Variants in YTHDF3 observed in about 807,000 individuals in gnomAD.
The protein encoded by YTHDF3 is YTH N6-methyladenosine RNA binding protein F3, also known as YTH domain-containing family protein 3.
In YTHDF3, 9 loss-of-function variants were observed where a neutral mutation model predicts 52.5. The observed-to-expected ratio is 0.17, with a 90% CI of 0.10 to 0.30. The LOEUF is 0.30. YTHDF3 is among the 10% of genes least tolerant of loss of function. YTHDF3 has a pLI of 1.00. For synonymous variants in YTHDF3, 274 were observed against 243.3 expected (o/e 1.13, Z -1.18); for missense variants, 534 against 715.0 (o/e 0.75, Z 2.89).
intron 4 of YTHDF3, among the ~76,000 whole-genome samples, chr8:63,199,226 C>T (rs1489612552): frequency 6.6e-6 from 1 of 152,120 alleles, no homozygotes; most frequent in Non-Finnish European, 1.5e-5. Flanking sequence ...GATACTTCTT[C>T]CATACTATAA....
intron 3 of YTHDF3, among the ~76,000 whole-genome samples, chr8:63,185,405 A>T (rs1398743741): frequency 1.3e-5 from 2 of 151,886 alleles, no homozygotes; most frequent in Admixed American, 6.6e-5. Flanking sequence ...TTACTAAATT[A>T]AAAAAAACCC....
At chr8:63,182,846 TG>T (rs1317574030) in intron 3 of YTHDF3, among the ~76,000 whole-genome samples, 5 of 152,308 alleles carry the variant, frequency 3.3e-5, no homozygotes, top group African/African-American at 1.2e-4. Context: ...CTTATATCAA[TG>T]TTTTTTTACA....
chr8:63,206,107 CTT>C (rs1323441827), intron 4 of YTHDF3, among the ~76,000 whole-genome samples: 4 of 151,914 alleles, frequency 2.6e-5, no homozygotes, highest in African/African-American at 9.7e-5. Flanking sequence ...GAGTTTCGCT[CTT>C]GTTGTCCAGG....
chr8:63,208,040 T>G (rs1408473197), intron 4 of YTHDF3, among the ~76,000 whole-genome samples: 1 of 152,186 alleles, frequency 6.6e-6, no homozygotes, highest in Non-Finnish European at 1.5e-5. Context: ...TTTCTTCTTT[T>G]GCTGATATGG....
At chr8:63,169,019 C>T (rs1203771236) in intron 1 of YTHDF3, 118 bp downstream of exon 1, 6 of 1,469,140 alleles carry the variant, frequency 4.1e-6, no homozygotes, top group Non-Finnish European at 4.5e-6. Context: ...GTGCCCCGGG[C>T]GCAAGTTGCT....
chr8:63,177,174 C>T (rs754584760), intron 3 of YTHDF3, among the ~76,000 whole-genome samples: 5 of 152,150 alleles, frequency 3.3e-5, no homozygotes, highest in Non-Finnish European at 2.9e-5. Flanking sequence ...TACTACAGAA[C>T]TGAACAGTTT....
intron 1 of YTHDF3, 98 bp from the exon 2 acceptor site, chr8:63,169,289 G>A (rs1203067224): frequency 5.4e-6 from 8 of 1,479,718 alleles, no homozygotes; most frequent in Non-Finnish European, 7.4e-6. Flanking sequence ...TACGCGGATA[G>A]TCTAAAATAA....
intron 4 of YTHDF3, among the ~76,000 whole-genome samples, chr8:63,208,572 T>G (rs1302219161): frequency 6.6e-6 from 1 of 152,194 alleles, no homozygotes; most frequent in Admixed American, 6.5e-5. Context: ...GGCCCAGACA[T>G]GCCATCCAGG....
intron 1 of YTHDF3, 195 bp from the exon 2 acceptor site, chr8:63,169,192 C>A: frequency 2.2e-6 from 3 of 1,365,494 alleles, no homozygotes; most frequent in Non-Finnish European, 2.9e-6. Context: ...CTCTGGGAGA[C>A]GGATTCCGAG....
chr8:63,205,262 G>T (rs977791508), intron 4 of YTHDF3, among the ~76,000 whole-genome samples: 27 of 152,068 alleles, frequency 1.8e-4, no homozygotes, highest in African/African-American at 5.8e-4. Flanking sequence ...CCTTCTCCGG[G>T]TGTATGGGAT....
intron 4 of YTHDF3, among the ~76,000 whole-genome samples, chr8:63,198,456 G>A (rs1020312655): frequency 2.0e-5 from 3 of 152,084 alleles, no homozygotes; most frequent in African/African-American, 4.8e-5. Flanking sequence ...TAGTAGAGAT[G>A]GGGTTTCACC....
intron 2 of YTHDF3, among the ~76,000 whole-genome samples, chr8:63,171,903 T>A (rs1222036299): frequency 6.6e-6 from 1 of 152,208 alleles, no homozygotes; most frequent in African/African-American, 2.4e-5. Context: ...GTTGACAGCT[T>A]TAGCCTAACA....
At chr8:63,203,994 T>C (rs1162982177) in intron 4 of YTHDF3, among the ~76,000 whole-genome samples, 2 of 152,196 alleles carry the variant, frequency 1.3e-5, no homozygotes, top group African/African-American at 4.8e-5. Context: ...TGTTCTGTTA[T>C]TCCCTTTGTG....
chr8:63,209,783 G>A lies in YTHDF3; in HGVS notation c.*77G>A, dbSNP rs188808956. 29 of 1,382,008 alleles carry A rather than the reference G, an allele frequency of 2.1e-5. No homozygotes were observed. In the East Asian group the frequency reaches 2.7e-4, roughly 13 times the overall value. 85.6% of individuals were successfully genotyped at this position (1,382,008 alleles called of 1,614,324 possible). ...AAATGCCTAATAAGTCAAAGAAGACGTATTAAAGCTCTTTTCTGCTTAAGG... is the reference window on the plus strand; with the variant it reads ...AAATGCCTAATAAGTCAAAGAAGACATATTAAAGCTCTTTTCTGCTTAAGG... On this transcript the variant is annotated 3_prime_UTR_variant, in exon 5 of 5. Coordinates refer to ENST00000539294, the MANE Select transcript of YTHDF3 (RefSeq NM_152758.6).
chr8:63,175,325 T>G lies in YTHDF3; in HGVS notation c.50-6T>G, dbSNP rs1253833050. Reference sequence around the variant, plus strand: ...TACAACACTTCTAATACAAACATTTTTTTAGTTTCAGTACAAAACGGTTCG... The same window carrying G: ...TACAACACTTCTAATACAAACATTTGTTTAGTTTCAGTACAAAACGGTTCG... On this transcript the variant is annotated splice_region_variant and splice_polypyrimidine_tract_variant and intron_variant, in intron 2 of 4. Transcript: ENST00000539294. 28 of 1,600,128 alleles carry G rather than the reference T, an allele frequency of 1.7e-5. No homozygotes were observed. Among genetic ancestry groups the G allele is most frequent in the Non-Finnish European group, 2.3e-5 (27 of 1,171,434 alleles).
intron 2 of YTHDF3, among the ~76,000 whole-genome samples, chr8:63,174,351 T>A (rs2129981575): frequency 6.6e-6 from 1 of 152,344 alleles, no homozygotes; most frequent in Non-Finnish European, 1.5e-5. Context: ...GTCATATTAG[T>A]CCTATTTGGA....
chr8:63,183,262 A>G (rs534662517), intron 3 of YTHDF3, among the ~76,000 whole-genome samples: 20 of 152,110 alleles, frequency 1.3e-4, no homozygotes, highest in Admixed American at 5.9e-4. Context: ...TGTCCAGCCC[A>G]GTTTTATCTT....
intron 4 of YTHDF3, among the ~76,000 whole-genome samples, chr8:63,191,238 A>G (rs1808893545): frequency 6.6e-6 from 1 of 152,104 alleles, no homozygotes; most frequent in Non-Finnish European, 1.5e-5. Context: ...GTTTTCTGTA[A>G]TCCTTTGTCT....
intron 4 of YTHDF3, among the ~76,000 whole-genome samples, chr8:63,189,498 C>G (rs1411099996): frequency 2.0e-5 from 3 of 152,098 alleles, no homozygotes; most frequent in African/African-American, 7.2e-5. Context: ...ATGCTTGTTC[C>G]TATGTAGAAA....
Sources: gnomAD v4.1 joint callset for allele counts (sites outside exome capture counted in the v4.1 genomes callset) on GRCh38, gnomAD v4.1.1 for gene constraint, MANE v1.5 for transcripts, NCBI Gene and HGNC (gene_info 2026-07-23, HGNC 2026-07-21) for gene names.